ADAM22: variants seen among roughly 807,000 people sequenced by gnomAD.
ADAM22 encodes ADAM metallopeptidase domain 22.
Under a neutral mutation model 144.6 loss-of-function variants are expected in ADAM22, and 65 were observed. The observed-to-expected ratio is 0.45, with a 90% CI of 0.37 to 0.55. The LOEUF (loss-of-function observed/expected upper bound fraction) is 0.55. ADAM22 is among the 20% of genes least tolerant of loss of function. ADAM22 has a pLI of 0.00. For synonymous variants in ADAM22, 391 were observed against 412.6 expected (o/e 0.95, Z 0.63); for missense variants, 974 against 1,184.9 (o/e 0.82, Z 2.61).
chr7:88,073,603 A>C (rs966221095), intron 3 of ADAM22, among the ~76,000 whole-genome samples: 1 of 152,316 alleles, frequency 6.6e-6, no homozygotes, highest in East Asian at 1.9e-4. Context: ...TAATTCACTA[A>C]ATTAATTTAA....
intron 2 of ADAM22, among the ~76,000 whole-genome samples, chr7:87,963,362 G>C (rs1389717838): frequency 6.6e-6 from 1 of 152,010 alleles, no homozygotes; most frequent in African/African-American, 2.4e-5. Context: ...TTCTCCTAGG[G>C]TATCATTTGA....
chr7:88,021,001 A>G (rs1013519847), intron 3 of ADAM22, among the ~76,000 whole-genome samples: 2 of 152,114 alleles, frequency 1.3e-5, no homozygotes, highest in Non-Finnish European at 2.9e-5. Context: ...TTCTTTGGAG[A>G]GACAGCCAAC....
chr7:88,137,249 A>G (rs1283927002), intron 14 of ADAM22, among the ~76,000 whole-genome samples: 1 of 152,168 alleles, frequency 6.6e-6, no homozygotes, highest in Non-Finnish European at 1.5e-5. Context: ...GTTAATATAC[A>G]ATTCTTGTTC....
intron 3 of ADAM22, among the ~76,000 whole-genome samples, chr7:88,011,655 A>T (rs1414635335): frequency 6.6e-6 from 1 of 152,140 alleles, no homozygotes; most frequent in Non-Finnish European, 1.5e-5. Context: ...TAGAGGGAAG[A>T]TGAGTGGTGA....
At chr7:88,083,314 A>T (rs1478639366) in intron 4 of ADAM22, among the ~76,000 whole-genome samples, 1 of 151,684 alleles carries the variant, frequency 6.6e-6, no homozygotes, top group Non-Finnish European at 1.5e-5. Context: ...CAGGAAGGGG[A>T]CCTTTACACA....
chr7:88,124,680 C>G (rs568077101), intron 7 of ADAM22, among the ~76,000 whole-genome samples: 1 of 151,864 alleles, frequency 6.6e-6, no homozygotes, highest in Non-Finnish European at 1.5e-5. Flanking sequence ...AACTTATTCC[C>G]TTTCTCAACA....
intron 26 of ADAM22, 46 bp from the exon 27 acceptor site, chr7:88,178,889 T>G (rs372648362): frequency 2.4e-6 from 3 of 1,253,530 alleles, no homozygotes; most frequent in Non-Finnish European, 2.3e-6. Flanking sequence ...TCTGTGTTCA[T>G]GTGTGTGTCT....
chr7:88,130,301 T>A, intron 9 of ADAM22, 87 bp from the exon 10 acceptor site: 1 of 972,038 alleles, frequency 1.0e-6, no homozygotes, highest in Non-Finnish European at 1.5e-6. Flanking sequence ...TTTTTAGGGA[T>A]CTTTCAATTG....
intron 30 of ADAM22, among the ~76,000 whole-genome samples, chr7:88,190,950 A>G (rs1280748956): frequency 6.7e-6 from 1 of 149,906 alleles, no homozygotes; most frequent in African/African-American, 2.5e-5. Flanking sequence ...CAAGAGTGTT[A>G]TTATTCTTTA....
At chr7:88,156,949 GA>G (rs1431040773) in intron 22 of ADAM22, among the ~76,000 whole-genome samples, 2 of 150,422 alleles carry the variant, frequency 1.3e-5, no homozygotes, top group East Asian at 3.9e-4. Flanking sequence ...CAATGAAGGG[GA>G]AAAAAACAAA....
chr7:88,028,090 TCTA>T (rs2129468928), intron 3 of ADAM22, among the ~76,000 whole-genome samples: 1 of 152,326 alleles, frequency 6.6e-6, no homozygotes, highest in African/African-American at 2.4e-5. Context: ...CAGCCTTTTT[TCTA>T]CTTTTTTGAT....
At chr7:88,112,962 TC>T (rs1330452383) in intron 5 of ADAM22, among the ~76,000 whole-genome samples, 1 of 151,914 alleles carries the variant, frequency 6.6e-6, no homozygotes, top group Non-Finnish European at 1.5e-5. Flanking sequence ...TCATGTGATT[TC>T]CCCCCGCCTT....
intron 2 of ADAM22, among the ~76,000 whole-genome samples, chr7:87,944,602 C>G (rs1014084712): frequency 6.6e-6 from 1 of 152,006 alleles, no homozygotes; most frequent in African/African-American, 2.4e-5. Flanking sequence ...CTAGGATCAT[C>G]AGATATGGTC....
intron 3 of ADAM22, among the ~76,000 whole-genome samples, chr7:88,060,790 A>G (rs1809609621): frequency 1.3e-5 from 2 of 149,468 alleles, no homozygotes; most frequent in Admixed American, 6.7e-5. Flanking sequence ...AACAAAAAAC[A>G]CTTTTTTTCG....
At chr7:88,034,866 C>T (rs1801139272) in intron 3 of ADAM22, among the ~76,000 whole-genome samples, 1 of 152,148 alleles carries the variant, frequency 6.6e-6, no homozygotes, top group Non-Finnish European at 1.5e-5. Context: ...GTTTCTCTCT[C>T]TGTGCCATGA....
rs1255023964 is a variant in ADAM22 at position 88,107,869 on chromosome 7, A to C, written c.391-307A>C. Among the ~76,000 whole-genome samples the C allele has an allele frequency of 2.6e-5, 4 of 151,984 alleles. No individual in the cohort carries two copies. The East Asian group carries it at 7.7e-4, about 29-fold the overall frequency. ...GCCTCTGAAAGCATTGAAATTGTAG[A>C]CATGAGACACTGTGCCTGACTCCCC... On this transcript the variant is annotated intron_variant, in intron 4 of 31. Coordinates refer to ENST00000413139, the MANE Select transcript of ADAM22 (RefSeq NM_001324418.2).
At chr7:88,172,957 G>T (rs1293947985) in intron 26 of ADAM22, among the ~76,000 whole-genome samples, 3 of 151,880 alleles carry the variant, frequency 2.0e-5, no homozygotes, top group Non-Finnish European at 4.4e-5. Flanking sequence ...AGATTAAAAA[G>T]TTAATGATTC....
At chr7:88,148,066 T>C (rs1029802527) in intron 17 of ADAM22, among the ~76,000 whole-genome samples, 1 of 152,114 alleles carries the variant, frequency 6.6e-6, no homozygotes, top group African/African-American at 2.4e-5. Flanking sequence ...GAAATCCAGA[T>C]TGGAGTTTAT....
chr7:88,079,864 A>C (rs544603867), intron 4 of ADAM22, among the ~76,000 whole-genome samples: 1 of 152,340 alleles, frequency 6.6e-6, no homozygotes, highest in East Asian at 1.9e-4. Context: ...TGAGTGACCT[A>C]CAAAGAGACT....
Sources: allele counts gnomAD v4.1 joint callset (sites outside exome capture counted in the v4.1 genomes callset), GRCh38; gene constraint gnomAD v4.1.1; transcripts MANE v1.5; gene names NCBI Gene and HGNC (gene_info 2026-07-23, HGNC 2026-07-21).